KIF12: variants seen among roughly 807,000 people sequenced by gnomAD.
KIF12 encodes kinesin-like protein KIF12.
KIF12 carries 80 observed loss-of-function variants against 87.9 expected under a neutral mutation model. The observed-to-expected ratio is 0.91, with a 90% CI of 0.76 to 1.10. KIF12 has a LOEUF of 1.10. Ranked by LOEUF, KIF12 falls within the 50% of genes least tolerant of loss-of-function variation. KIF12 has a pLI of 0.00. For synonymous variants in KIF12, 353 were observed against 348.5 expected, an observed-to-expected ratio of 1.01 and a Z score of -0.14; for missense variants, 819 against 865.3, an observed-to-expected ratio of 0.95 and a Z score of 0.67.
At chr9:114,093,142 A>T in intron 16 of KIF12, 87 bp downstream of exon 16, 1 of 1,289,090 alleles carries the variant, frequency 7.8e-7, no homozygotes, top group Non-Finnish European at 1.1e-6. Context: ...GCAGCCCTGG[A>T]ATCCCTGGGG....
rs1452067631 is a variant in KIF12 at position 114,091,956 on chromosome 9, T to C, written c.1861A>G (p.Arg621Gly). 3 of 1,612,948 alleles carry C rather than the reference T, an allele frequency of 1.9e-6. No homozygotes were observed. Residue 621 changes from arginine (R) to glycine (G), a missense_variant, in exon 19 of 19, where the codon AGA (arginine) becomes GGA (glycine). Transcript: ENST00000640217. ...CGCAGGGAGCTGCCAATCTGGTCTC[T>C]GAGGGCCTCCAGTCTCTGGGCCAGG... ...PNLAQRLEAL[R>G]DQIGSSLRRG...
intron 9 of KIF12, 56 bp downstream of exon 9, chr9:114,095,995 G>A: frequency 6.5e-7 from 1 of 1,549,104 alleles, no homozygotes; most frequent in Non-Finnish European, 8.7e-7. Flanking sequence ...GTGGAGAGCT[G>A]TGAGCCAGGC....
Position 114,093,248 on chromosome 9 carries a change from C to A in KIF12, c.1577G>T (p.Gly526Val). ...TCCTACCTGGGGCAGGTGGTGCTCC[C>A]CTGGCAGGCAGGCCCAGTGGGCCAG... The part of the protein sequence containing the change: ...VPLAHWACLP[G>V]EHHLPQVLDP... Residue 526 changes from glycine to valine, a missense_variant, in exon 16 of 19, where the codon GGG becomes GTG. By Grantham distance (109) the Gly-to-Val change is moderately radical. Transcript: ENST00000640217. The A allele has an allele frequency of 6.4e-7, 1 of 1,554,282 alleles. No individual in the cohort carries two copies. The highest frequency in any genetic ancestry group is 2.4e-5 in the East Asian group (1 of 41,386).
At chr9:114,095,921 G>T in intron 9 of KIF12, 130 bp downstream of exon 9, 3 of 1,032,008 alleles carry the variant, frequency 2.9e-6, no homozygotes, top group Non-Finnish European at 2.8e-6. Flanking sequence ...TGGGGCCTTT[G>T]GTTCCTGGAT....
At position 114,097,629 on chromosome 9, in the gene KIF12, T is replaced by G. The variant is rs748999121; in HGVS notation, c.488A>C (p.Tyr163Ser). 3 of 1,612,520 alleles carry G rather than the reference T, an allele frequency of 1.9e-6. No homozygotes were observed. Among genetic ancestry groups the G allele is most frequent in the Admixed American group, 3.3e-5 (2 of 59,876 alleles). ...LGAPVTLRAS[Y>S]LEIYNEQVRD... ...TACCTGCTCATTGTAGATCTCCAGA[T>G]AAGAGGCGCGAAGGGTGACAGGGGC... The change falls in exon 6 of 19, where the codon TAT becomes TCT. Residue 163 changes from tyrosine to serine, a missense_variant. Coordinates refer to ENST00000640217, the MANE Select transcript of KIF12 (RefSeq NM_001388308.1).
At chr9:114,098,065 T>TCCAGCCCACCCAGC in intron 5 of KIF12, 50 bp downstream of exon 5, 1 of 1,509,398 alleles carries the variant, frequency 6.6e-7, no homozygotes, top group Non-Finnish European at 8.9e-7. Flanking sequence ...CCCCAGGGCT[T>TCCAGCCCACCCAGC]CCAGCCCACC....
At chr9:114,097,543 G>C (rs1163378920) in intron 6 of KIF12, 64 bp downstream of exon 6, 9 of 1,601,434 alleles carry the variant, frequency 5.6e-6, no homozygotes, top group Non-Finnish European at 7.7e-6. Flanking sequence ...TTTGATCCAG[G>C]CTCCCTGGAA....
At chr9:114,094,125 A>T in intron 13 of KIF12, 56 bp downstream of exon 13, 1 of 1,553,326 alleles carries the variant, frequency 6.4e-7, no homozygotes, top group Non-Finnish European at 8.9e-7. Flanking sequence ...TGCCAGAAGC[A>T]GCCTAGCAGT....
At chr9:114,092,071 A>G in intron 18 of KIF12, 71 bp from the exon 19 acceptor site, 1 of 1,532,444 alleles carries the variant, frequency 6.5e-7, no homozygotes, top group Non-Finnish European at 8.8e-7. Context: ...CTGGGTCCCA[A>G]CACCCTCTGG....
rs1335363703 is a variant in KIF12, at chr9:114,097,675, C to T, written c.442G>A (p.Asp148Asn). The change falls in exon 6 of 19, where the codon GAC (aspartate) becomes AAC (asparagine). Residue 148 changes from aspartate (D) to asparagine (N), a missense_variant. Asp to Asn is a conservative substitution (Grantham distance 23). Coordinates refer to ENST00000640217, the MANE Select transcript of KIF12 (RefSeq NM_001388308.1). Reference sequence around the variant, plus strand: ...GGGGCACCCAGGTGCTGCACGCGGTCCAACAGCCAGGCGAAGGTCCTCTGC... The same window carrying T: ...GGGGCACCCAGGTGCTGCACGCGGTTCAACAGCCAGGCGAAGGTCCTCTGC... Reference protein sequence around the residue: ...IMQRTFAWLLDRVQHLGAPVT... With the variant: ...IMQRTFAWLLNRVQHLGAPVT... The T allele has an allele frequency of 6.2e-7, 1 of 1,614,114 alleles. No individual in the cohort carries two copies. The highest frequency in any genetic ancestry group is 1.1e-5 in the South Asian group (1 of 91,078).
rs545633772 is a variant in KIF12 at position 114,095,621 on chromosome 9, GC to G, written c.896-290del. 2.6e-5 allele frequency among the ~76,000 whole-genome samples: 4 copies of G among 152,190 alleles called. No individual in the cohort carries two copies. The South Asian group carries it at 8.3e-4, about 32-fold the overall frequency. On this transcript the variant is annotated intron_variant, in intron 9 of 18. Coordinates refer to ENST00000640217, the MANE Select transcript of KIF12 (RefSeq NM_001388308.1). Reference sequence around the variant, plus strand: ...GATTGTACACAAAGGAGTTTCGCGGGCATCTCACATGCATGCCACAGAGGAA... The same window carrying G: ...GATTGTACACAAAGGAGTTTCGCGGGATCTCACATGCATGCCACAGAGGAA...
chr9:114,092,790 C>T lies in KIF12; in HGVS notation c.1597-148G>A, dbSNP rs1847048513. 28 of 1,470,810 alleles carry T rather than the reference C, an allele frequency of 1.9e-5. No individual in the cohort carries two copies. In the Middle Eastern group the frequency reaches 7.3e-4, roughly 38 times the overall value. The allele number at this position is 1,470,810 out of a possible 1,614,324, so 91.1% of individuals were successfully genotyped here. The stretch of plus-strand genomic sequence containing the variant: ...TGGCATAAAGGGGTGGGGTCTTGGT[C>T]GCCTTCTGTGTGCAGCAGATGGTTC... On this transcript the variant is annotated intron_variant, in intron 16 of 18. Coordinates refer to ENST00000640217, the MANE Select transcript of KIF12 (RefSeq NM_001388308.1).
chr9:114,095,320 G>C lies in KIF12; in HGVS notation c.908C>G (p.Ser303Cys). 6.2e-7 allele frequency: 1 copy of C among 1,613,284 alleles called. No homozygotes were observed. The highest frequency in any genetic ancestry group is 8.5e-7 in the Non-Finnish European group (1 of 1,179,984). Residue 303 changes from serine to cysteine, a missense_variant, in exon 10 of 19, where the codon TCC becomes TGC. Ser to Cys is a moderately radical substitution (Grantham distance 112). Transcript: ENST00000640217. The stretch of plus-strand genomic sequence containing the variant: ...CTTCCGCTGTGGGTCCAGCAGCAGG[G>C]AGATGCAGTGACCTGGGGAGGGAGA... Reference protein sequence around the residue: ...RSLLALGHCISLLLDPQRKQS... With the variant: ...RSLLALGHCICLLLDPQRKQS...
intron 11 of KIF12, 99 bp downstream of exon 11, chr9:114,094,924 C>T (rs1398160450): frequency 1.8e-6 from 2 of 1,082,524 alleles, no homozygotes; most frequent in Non-Finnish European, 2.6e-6. Context: ...CAACTTTGAC[C>T]CAGTCCAAGA....
chr9:114,094,554 G>T lies in KIF12; in HGVS notation c.1120-99C>A, dbSNP rs140268348. The T allele has an allele frequency of 1.4e-3, 993 of 696,192 alleles. 6 individuals carry two copies. The African/African-American group carries it at 0.016, about 11-fold the overall frequency. 43.1% of individuals were successfully genotyped at this position (696,192 alleles called of 1,614,324 possible). On this transcript the variant is annotated intron_variant, in intron 11 of 18. Coordinates refer to ENST00000640217, the MANE Select transcript of KIF12 (RefSeq NM_001388308.1). ...GGAAGTAACTGGGGCCTAAAATCCAGCCCATGCTTCATTCGTCAGCCTTGC... is the reference window on the plus strand; with the variant it reads ...GGAAGTAACTGGGGCCTAAAATCCATCCCATGCTTCATTCGTCAGCCTTGC...
intron 7 of KIF12, 24 bp from the exon 8 acceptor site, chr9:114,096,502 C>T: frequency 6.4e-7 from 1 of 1,573,266 alleles, no homozygotes; most frequent in East Asian, 2.3e-5. Context: ...ACATCAGGAG[C>T]TGGACCTGGT....
At chr9:114,094,973 C>G in intron 11 of KIF12, 50 bp downstream of exon 11, 1 of 1,459,826 alleles carries the variant, frequency 6.9e-7, no homozygotes, top group East Asian at 2.3e-5. Context: ...CCTGCCTGAT[C>G]CCCCAGCATC....
chr9:114,098,887 G>A, intron 3 of KIF12, 48 bp downstream of exon 3: 2 of 1,532,032 alleles, frequency 1.3e-6, no homozygotes, highest in Non-Finnish European at 1.8e-6. Context: ...AAGGGATCTG[G>A]CGTCCCCGGG....
At chr9:114,093,064 C>A (rs750337016) in intron 16 of KIF12, among the ~76,000 whole-genome samples, 165 bp downstream of exon 16, 1 of 152,082 alleles carries the variant, frequency 6.6e-6, no homozygotes. Flanking sequence ...GAGGGTGAGG[C>A]AAACAGCTAT....
Sources: gnomAD v4.1 joint callset for allele counts (sites outside exome capture counted in the v4.1 genomes callset) on GRCh38, gnomAD v4.1.1 for gene constraint, MANE v1.5 for transcripts, NCBI Gene and HGNC (gene_info 2026-07-23, HGNC 2026-07-21) for gene names.